NUP107: variants seen among roughly 807,000 people sequenced by gnomAD.
NUP107 encodes the protein nuclear pore complex protein Nup107.
Under a neutral mutation model 141.0 loss-of-function variants are expected in NUP107, and 101 were observed. The ratio of observed to expected loss-of-function variants is 0.72; its 90% confidence interval spans 0.61 to 0.84. The LOEUF (loss-of-function observed/expected upper bound fraction) is 0.84. Ranked by LOEUF, NUP107 falls within the 40% of genes least tolerant of loss-of-function variation. The pLI is 0.00. For missense variants in NUP107, 941 were observed against 1,102.7 expected (o/e 0.85, Z 2.08); for synonymous variants, 319 against 363.9 (o/e 0.88, Z 1.41).
At chr12:68,691,310 G>A (rs1222012213) in intron 4 of NUP107, among the ~76,000 whole-genome samples, 2 of 152,304 alleles carry the variant, frequency 1.3e-5, no homozygotes, top group East Asian at 3.9e-4. Flanking sequence ...GTTGGTTGCT[G>A]ATGGCTATAA....
intron 8 of NUP107, 113 bp downstream of exon 8, chr12:68,702,897 G>A (rs1485227528): frequency 1.9e-6 from 1 of 530,584 alleles, no homozygotes. Flanking sequence ...AGGCTGGAGG[G>A]CAATGGCGTG....
At chr12:68,735,162 C>G (rs1878014445) in intron 25 of NUP107, 69 bp from the exon 26 acceptor site, 2 of 1,025,436 alleles carry the variant, frequency 2.0e-6, no homozygotes, top group African/African-American at 3.2e-5. Flanking sequence ...ATGTTCCTGT[C>G]TGTATTTTCC....
At position 68,738,901 on chromosome 12, in the gene NUP107, T is replaced by C. The variant is rs115066490; in HGVS notation, c.2503-2912T>C. ...TTACCCAGAACTTTCTGATGCCTTC[T>C]TATTGCACTTGGAATAAAATCTTTC... On this transcript the variant is annotated intron_variant, in intron 26 of 27. Transcript: ENST00000229179. Among the ~76,000 whole-genome samples the C allele has an allele frequency of 3.5e-3, 539 of 152,366 alleles. 8 individuals are homozygous for C. The highest frequency in any genetic ancestry group is 0.012 in the African/African-American group (516 of 41,582).
At chr12:68,725,883 CTGGAG>C (rs1489047816) in intron 18 of NUP107, 87 bp downstream of exon 18, 3 of 700,650 alleles carry the variant, frequency 4.3e-6, no homozygotes, top group Non-Finnish European at 7.1e-6. Context: ...GTTGCCCAGA[CTGGAG>C]TGCAGTGGCT....
chr12:68,723,494 G>A (rs1163634122), intron 17 of NUP107, among the ~76,000 whole-genome samples: 1 of 152,158 alleles, frequency 6.6e-6, no homozygotes, highest in Non-Finnish European at 1.5e-5. Context: ...TACTTGGGAG[G>A]CTGAGGCAGG....
At position 68,696,892 on chromosome 12, in the gene NUP107, G is replaced by T; in HGVS notation, c.522G>T (p.Val174=). ...CTTCGAGTACAGTTTTTGATCTTGT[G>T]GAAGAGTATGAAAACATCTGTGGTA... ...KHSSSTVFDL[V]EEYENICGSQ... The change falls in exon 6 of 28, where the codon GTG becomes GTT. Residue 174 remains valine (V), a synonymous_variant. Coordinates refer to ENST00000229179, the MANE Select transcript of NUP107 (RefSeq NM_020401.4). The T allele has an allele frequency of 6.2e-7, 1 of 1,608,042 alleles. No homozygotes were observed. Among genetic ancestry groups the T allele is most frequent in the Non-Finnish European group, 8.5e-7 (1 of 1,177,212 alleles).
At position 68,729,214 on chromosome 12, in the gene NUP107, G is replaced by A. The variant is rs1877708240; in HGVS notation, c.1734+1825G>A. On this transcript the variant is annotated intron_variant, in intron 20 of 27. Transcript: ENST00000229179. Reference sequence around the variant, plus strand: ...AGGAAGTGGCTCTAAAGTTATTACAGTAGTATAGTATCTACTACAGTTAGT... The same window carrying A: ...AGGAAGTGGCTCTAAAGTTATTACAATAGTATAGTATCTACTACAGTTAGT... 2.0e-5 allele frequency among the ~76,000 whole-genome samples: 3 copies of A among 152,108 alleles called. No individual in the cohort carries two copies. The South Asian group carries it at 6.2e-4, about 32-fold the overall frequency.
chr12:68,704,988 G>A (rs1876511096), intron 8 of NUP107, among the ~76,000 whole-genome samples: 1 of 151,394 alleles, frequency 6.6e-6, no homozygotes, highest in South Asian at 2.1e-4. Context: ...GCTCAAGTGA[G>A]CCTCCTGCCT....
chr12:68,701,596 C>T (rs1277959096), intron 7 of NUP107, among the ~76,000 whole-genome samples: 3 of 151,640 alleles, frequency 2.0e-5, no homozygotes, highest in African/African-American at 4.8e-5. Context: ...GCAGGAGAAT[C>T]GCTTGAACCT....
intron 5 of NUP107, among the ~76,000 whole-genome samples, chr12:68,696,248 C>T (rs182508972): frequency 9.6e-4 from 146 of 152,034 alleles, no homozygotes; most frequent in African/African-American, 3.4e-3. Context: ...ACCTGTAGTC[C>T]CAGCTACTTG....
At chr12:68,732,949 C>T in intron 23 of NUP107, 1 of 398,500 alleles carries the variant, frequency 2.5e-6, no homozygotes. Context: ...TCCTGAAGTG[C>T]TGGGATTATA....
At chr12:68,703,280 C>A (rs546405246) in intron 8 of NUP107, among the ~76,000 whole-genome samples, 1 of 152,242 alleles carries the variant, frequency 6.6e-6, no homozygotes, top group Non-Finnish European at 1.5e-5. Flanking sequence ...CCCTTTTTAT[C>A]CCACTGACTA....
chr12:68,704,985 T>G (rs1006501024), intron 8 of NUP107, among the ~76,000 whole-genome samples: 4 of 151,812 alleles, frequency 2.6e-5, no homozygotes, highest in Non-Finnish European at 4.4e-5. Context: ...TGGGCTCAAG[T>G]GAGCCTCCTG....
chr12:68,709,194 TC>T (rs1225866317), intron 8 of NUP107, 43 bp from the exon 9 acceptor site: 1 of 1,248,770 alleles, frequency 8.0e-7, no homozygotes, highest in Non-Finnish European at 1.1e-6. Context: ...CTTAACAGCA[TC>T]TTCTTTTCAT....
intron 17 of NUP107, 47 bp downstream of exon 17, chr12:68,722,199 G>T: frequency 6.6e-7 from 1 of 1,526,652 alleles, no homozygotes; most frequent in Non-Finnish European, 9.0e-7. Flanking sequence ...AGGAAACAGT[G>T]TTATTCTATT....
chr12:68,696,753 G>C (rs140045603), intron 5 of NUP107, 66 bp from the exon 6 acceptor site: 2 of 823,282 alleles, frequency 2.4e-6, no homozygotes, highest in Non-Finnish European at 3.8e-6. Flanking sequence ...TCAAACAAAC[G>C]GAATTACCTA....
intron 26 of NUP107, among the ~76,000 whole-genome samples, chr12:68,737,216 A>G (rs1229510189): frequency 6.6e-6 from 1 of 152,184 alleles, no homozygotes; most frequent in East Asian, 1.9e-4. Context: ...TATTCTAATT[A>G]TTAATTAAGT....
rs774562335 is a variant in NUP107 at position 68,735,236 on chromosome 12, T to C, written c.2394T>C (p.Asp798=). The C allele has an allele frequency of 6.2e-7, 1 of 1,607,332 alleles. No individual in the cohort carries two copies. Among genetic ancestry groups the C allele is most frequent in the Non-Finnish European group, 8.5e-7 (1 of 1,173,958 alleles). The change falls in exon 26 of 28, where the codon GAT becomes GAC. Residue 798 remains aspartate (D), a synonymous_variant. Transcript: ENST00000229179. ...GCCTTGTGTTTGTTTTGCAGATGGA[T>C]TTTGGTATTTGGAAAGGGCATTTGG... The part of the protein sequence containing the change: ...HEHKEKKYEM[D]FGIWKGHLDA...
chr12:68,730,002 C>G (rs1208350577), intron 20 of NUP107, among the ~76,000 whole-genome samples: 1 of 151,566 alleles, frequency 6.6e-6, no homozygotes, highest in African/African-American at 2.4e-5. Flanking sequence ...TGTTCTGTCA[C>G]TCAGGCTAGA....
Sources: gnomAD v4.1 joint callset for allele counts (sites outside exome capture counted in the v4.1 genomes callset) on GRCh38, gnomAD v4.1.1 for gene constraint, MANE v1.5 for transcripts, NCBI Gene and HGNC (gene_info 2026-07-23, HGNC 2026-07-21) for gene names.